The following LNPK variants were observed in gnomAD, a reference collection of about 807,000 sequenced individuals.
The protein encoded by LNPK is lunapark, ER junction formation factor.
LNPK carries 29 observed loss-of-function variants against 55.2 expected under a neutral mutation model. The ratio of observed to expected loss-of-function variants is 0.53; its 90% CI spans 0.39 to 0.72. The LOEUF (loss-of-function observed/expected upper bound fraction) is 0.72, where lower values mean the gene tolerates loss of function less well. Among genes scored for constraint, LNPK ranks in the 30% least tolerant of loss-of-function variants. LNPK has a pLI of 0.00. For missense variants in LNPK, 467 were observed against 494.8 expected (o/e 0.94, Z 0.53); for synonymous variants, 162 against 168.2 (o/e 0.96, Z 0.29).
intron 5 of LNPK, among the ~76,000 whole-genome samples, chr2:175,978,364 A>T (rs1687010118): frequency 6.6e-6 from 1 of 152,180 alleles, no homozygotes; most frequent in Admixed American, 6.5e-5. Flanking sequence ...ATACTGAAGG[A>T]CAATTTCACT....
At position 175,980,409 on chromosome 2, in the gene LNPK, CT is replaced by C. The variant is rs547984850; in HGVS notation, c.258-542del. Among the ~76,000 whole-genome samples, 266 of 152,272 alleles carry C rather than the reference CT, an allele frequency of 1.7e-3. 1 individual carries two copies. The highest frequency in any genetic ancestry group is 3.4e-3 in the Non-Finnish European group (228 of 68,028). On this transcript the variant is annotated intron_variant, in intron 4 of 12. Coordinates refer to ENST00000272748, the MANE Select transcript of LNPK (RefSeq NM_030650.3). ...CAAAAACCTTACCTTCAAATAAATACTTGATGAGTAAAATTAGCTAAATATC... is the reference window on the plus strand; with the variant it reads ...CAAAAACCTTACCTTCAAATAAATACTGATGAGTAAAATTAGCTAAATATC...
chr2:175,930,016 T>G lies in LNPK; in HGVS notation c.1238A>C (p.Asp413Ala). ...IETNSTVPGA[D>A]SIPDPELSGE... ...ACTTAGTTCAGGATCAGGAATAGAA[T>G]CAGCTCCAGGAACTGTGGAGTTGGT... Residue 413 changes from aspartate (D) to alanine (A), a missense_variant, in exon 13 of 13, where the codon GAT becomes GCT. Physicochemically the swap from Asp to Ala is moderately radical, Grantham distance 126. Transcript: ENST00000272748. 6.2e-7 allele frequency: 1 copy of G among 1,614,038 alleles called. No homozygotes were observed. The highest frequency in any genetic ancestry group is 8.5e-7 in the Non-Finnish European group (1 of 1,179,936).
chr2:175,978,595 A>G (rs1195807619), intron 5 of LNPK, among the ~76,000 whole-genome samples: 1 of 152,206 alleles, frequency 6.6e-6, no homozygotes, highest in Non-Finnish European at 1.5e-5. Flanking sequence ...TCACGCTGAC[A>G]GAGAAAAAGG....
Position 175,985,262 on chromosome 2 carries a change from C to G in LNPK, c.258-5394G>C, listed in dbSNP as rs542987847. ...AAAAAGGAGCCTTGTGGTGATGGAA[C>G]AGTTCTGGATCTGAATTGTGCGGTG... On this transcript the variant is annotated intron_variant, in intron 4 of 12. Transcript: ENST00000272748. 3.9e-5 allele frequency among the ~76,000 whole-genome samples: 6 copies of G among 152,208 alleles called. No homozygotes were observed. In the South Asian group the frequency reaches 1.2e-3, roughly 32 times the overall value.
chr2:175,933,077 C>T (rs1022272883), intron 12 of LNPK, among the ~76,000 whole-genome samples: 5 of 152,034 alleles, frequency 3.3e-5, no homozygotes, highest in African/African-American at 9.7e-5. Context: ...TACCACAATG[C>T]CATAAAACAA....
chr2:175,951,389 T>A lies in LNPK; in HGVS notation c.494-3697A>T, dbSNP rs377505970. On this transcript the variant is annotated intron_variant, in intron 8 of 12. Coordinates refer to ENST00000272748, the MANE Select transcript of LNPK (RefSeq NM_030650.3). Reference sequence around the variant, plus strand: ...TCCCCTTCCCGCCCTTTCCCCTGAGTCCCCAAAGTCCATTGTGTCATTCTT... The same window carrying A: ...TCCCCTTCCCGCCCTTTCCCCTGAGACCCCAAAGTCCATTGTGTCATTCTT... Among the ~76,000 whole-genome samples the A allele has an allele frequency of 5.3e-5, 8 of 151,700 alleles. No homozygotes were observed. In the East Asian group the frequency reaches 9.7e-4, roughly 18 times the overall value.
At chr2:175,985,262 C>A (rs542987847) in intron 4 of LNPK, among the ~76,000 whole-genome samples, 3 of 152,090 alleles carry the variant, frequency 2.0e-5, no homozygotes, top group Admixed American at 6.5e-5. Flanking sequence ...GGTGATGGAA[C>A]AGTTCTGGAT....
intron 8 of LNPK, among the ~76,000 whole-genome samples, chr2:175,958,676 G>A (rs1367580172): frequency 1.3e-5 from 2 of 152,126 alleles, no homozygotes; most frequent in Non-Finnish European, 2.9e-5. Flanking sequence ...CCGAAGGATT[G>A]CAGCTCCTTG....
Position 176,002,234 on chromosome 2 carries a change from C to G in LNPK, c.-137G>C. 4.4e-6 allele frequency: 2 copies of G among 452,316 alleles called. No homozygotes were observed. Among genetic ancestry groups the G allele is most frequent in the Non-Finnish European group, 8.9e-6 (2 of 225,906 alleles). 28.0% of individuals were successfully genotyped at this position (452,316 alleles called of 1,614,324 possible). ...CGGCCGCCACCGCCCAGCCTGCCTCCAGAGCAGGCAGCAGCCGCCACTGAC... is the reference window on the plus strand; with the variant it reads ...CGGCCGCCACCGCCCAGCCTGCCTCGAGAGCAGGCAGCAGCCGCCACTGAC... On this transcript the variant is annotated 5_prime_UTR_variant, in exon 1 of 13. Transcript: ENST00000272748.
intron 1 of LNPK, among the ~76,000 whole-genome samples, chr2:176,001,054 C>T (rs1688140125): frequency 6.6e-6 from 1 of 152,010 alleles, no homozygotes; most frequent in African/African-American, 2.4e-5. Context: ...AACATATAAA[C>T]ACTATATAAG....
intron 3 of LNPK, 33 bp from the exon 4 acceptor site, chr2:175,992,451 T>C: frequency 7.8e-7 from 1 of 1,289,480 alleles, no homozygotes; most frequent in South Asian, 1.6e-5. Flanking sequence ...TGTTAGTAAA[T>C]TTCAAACTTC....
chr2:175,970,838 AT>A, intron 5 of LNPK, 34 bp from the exon 6 acceptor site: 2 of 1,386,354 alleles, frequency 1.4e-6, no homozygotes, highest in East Asian at 2.7e-5. Context: ...AGATTAAGAT[AT>A]TTAGATATAA....
At chr2:175,973,257 A>G (rs891816553) in intron 5 of LNPK, among the ~76,000 whole-genome samples, 24 of 152,304 alleles carry the variant, frequency 1.6e-4, no homozygotes, top group Non-Finnish European at 3.2e-4. Flanking sequence ...AAGTATTTCA[A>G]TCTAGGTTTT....
intron 4 of LNPK, among the ~76,000 whole-genome samples, chr2:175,988,997 G>A (rs929100427): frequency 3.9e-5 from 6 of 152,080 alleles, no homozygotes; most frequent in Admixed American, 1.3e-4. Flanking sequence ...GGATGGTCCC[G>A]ATCTCCTGAT....
At chr2:175,983,886 C>A (rs1378689875) in intron 4 of LNPK, among the ~76,000 whole-genome samples, 1 of 151,074 alleles carries the variant, frequency 6.6e-6, no homozygotes, top group East Asian at 1.9e-4. Context: ...AATTAAACCA[C>A]CTTGACCTGA....
At chr2:175,974,382 C>G (rs1053622525) in intron 5 of LNPK, among the ~76,000 whole-genome samples, 1 of 152,102 alleles carries the variant, frequency 6.6e-6, no homozygotes, top group African/African-American at 2.4e-5. Flanking sequence ...CTGCATCGGT[C>G]GTACAACAGT....
In LNPK at chr2:175,937,504, A is replaced by C; in HGVS notation, c.894T>G (p.Cys298Trp). The C allele has an allele frequency of 6.2e-7, 1 of 1,609,050 alleles. No individual in the cohort carries two copies. Among genetic ancestry groups the C allele is most frequent in the Non-Finnish European group, 8.5e-7 (1 of 1,178,220 alleles). The change falls in exon 12 of 13, where the codon TGT becomes TGG. Residue 298 changes from cysteine (C) to tryptophan (W), a missense_variant. Transcript: ENST00000272748. ...CAGGGTTCAAGAAAAAACAGTAGGC[A>C]CATCGAAAAGCTGCAGAGAATTTTT... is the stretch of plus-strand genomic sequence containing the variant. Reference protein sequence around the residue: ...KEEFEYIAFRCAYCFFLNPAR... With the variant: ...KEEFEYIAFRWAYCFFLNPAR...
intron 12 of LNPK, among the ~76,000 whole-genome samples, chr2:175,932,755 A>T (rs1332419620): frequency 6.6e-6 from 1 of 152,232 alleles, no homozygotes; most frequent in South Asian, 2.1e-4. Flanking sequence ...AATGTGTTAC[A>T]AACATACTTT....
chr2:175,951,609 A>ATATATATATATATC (rs569266770), intron 8 of LNPK, among the ~76,000 whole-genome samples: 3 of 137,316 alleles, frequency 2.2e-5, no homozygotes, highest in African/African-American at 5.4e-5. Flanking sequence ...ATATATATAT[A>ATATATATATATATC]TCTCAGTTTC....
Sources: gnomAD v4.1 joint callset for allele counts (sites outside exome capture counted in the v4.1 genomes callset) on GRCh38, gnomAD v4.1.1 for gene constraint, MANE v1.5 for transcripts, NCBI Gene and HGNC (gene_info 2026-07-23, HGNC 2026-07-21) for gene names.